Variants in C1orf185 observed in about 807,000 individuals in gnomAD.
C1orf185 encodes the protein chromosome 1 open reading frame 185.
In C1orf185, 13 loss-of-function variants were observed where a neutral mutation model predicts 16.1. The observed-to-expected ratio is 0.81, with a 90% CI of 0.53 to 1.28. The LOEUF is 1.28. Ranked by LOEUF, C1orf185 falls within the 50% of genes most tolerant of loss-of-function variation. C1orf185 has a pLI of 0.00. For synonymous variants in C1orf185, 80 were observed against 76.9 expected (o/e 1.04, Z -0.21); for missense variants, 220 against 225.2 (o/e 0.98, Z 0.15).
At chr1:51,151,797 C>T (rs1211333367), downstream of C1orf185, among the ~76,000 whole-genome samples, 1 of 152,000 alleles carries the variant, frequency 6.6e-6, no homozygotes, top group Non-Finnish European at 1.5e-5. Context: ...TCAAGCAATT[C>T]TCTGCCTCAG....
intron 1 of C1orf185, among the ~76,000 whole-genome samples, chr1:51,106,366 C>T (rs1408748213): frequency 1.3e-5 from 2 of 151,892 alleles, no homozygotes; most frequent in South Asian, 2.1e-4. Context: ...TATCTCTCTC[C>T]CTATCTCTCT....
intron 3 of C1orf185, among the ~76,000 whole-genome samples, chr1:51,140,577 A>T (rs897567982): frequency 7.9e-5 from 12 of 152,088 alleles, no homozygotes; most frequent in African/African-American, 2.9e-4. Flanking sequence ...TTTATTCCCC[A>T]CATGGTTGGT....
intron 3 of C1orf185, among the ~76,000 whole-genome samples, chr1:51,137,406 C>T (rs2148028871): frequency 6.6e-6 from 1 of 152,044 alleles, no homozygotes; most frequent in Non-Finnish European, 1.5e-5. Context: ...TGGTGGTGCA[C>T]ACCTGTAATT....
chr1:51,115,426 A>C (rs545732752), intron 2 of C1orf185, among the ~76,000 whole-genome samples: 1 of 152,184 alleles, frequency 6.6e-6, no homozygotes, highest in South Asian at 2.1e-4. Flanking sequence ...CATTTTATGA[A>C]TATACCTTGG....
At chr1:51,149,268 A>C (rs1342915076), downstream of C1orf185, among the ~76,000 whole-genome samples, 1 of 152,210 alleles carries the variant, frequency 6.6e-6, no homozygotes, top group Non-Finnish European at 1.5e-5. Context: ...CCTTCCTGAG[A>C]GATAAATCAT....
intron 3 of C1orf185, among the ~76,000 whole-genome samples, chr1:51,132,641 G>A (rs1646294065): frequency 6.6e-6 from 1 of 152,110 alleles, no homozygotes; most frequent in African/African-American, 2.4e-5. Context: ...AAGAGATGGG[G>A]AGAATGGAAC....
intron 3 of C1orf185, among the ~76,000 whole-genome samples, chr1:51,130,796 T>C (rs1646277590): frequency 6.6e-6 from 1 of 152,220 alleles, no homozygotes; most frequent in South Asian, 2.1e-4. Flanking sequence ...GTAGTAAATT[T>C]TAATATCAGG....
At chr1:51,142,779 T>C (rs947063164) in intron 3 of C1orf185, among the ~76,000 whole-genome samples, 3 of 152,208 alleles carry the variant, frequency 2.0e-5, no homozygotes, top group African/African-American at 7.2e-5. Flanking sequence ...GTTTTGTTTT[T>C]TGATTTTTAT....
intron 4 of C1orf185, 145 bp downstream of exon 4, chr1:51,145,905 A>G (rs1646395717): frequency 2.5e-6 from 1 of 392,524 alleles, no homozygotes; most frequent in Non-Finnish European, 4.4e-6. Context: ...ATTAGTATGT[A>G]AAAGGGCATA....
intron 1 of C1orf185, among the ~76,000 whole-genome samples, chr1:51,106,990 C>T (rs1488063348): frequency 1.3e-5 from 2 of 152,080 alleles, no homozygotes; most frequent in African/African-American, 2.4e-5. Flanking sequence ...ATCTCCTGAC[C>T]TTGTGATCCG....
chr1:51,143,431 A>G lies in C1orf185; in HGVS notation c.259-2293A>G, dbSNP rs138859827. On this transcript the variant is annotated intron_variant, in intron 3 of 4. Transcript: ENST00000371759. The stretch of plus-strand genomic sequence containing the variant: ...ATTTCTATTTCATTCAGCAGATTAT[A>G]ATCCATTACTACCATTATTTAGATG... 1.4e-4 allele frequency among the ~76,000 whole-genome samples: 21 copies of G among 152,320 alleles called. No individual in the cohort carries two copies. The East Asian group carries it at 4.1e-3, about 29-fold the overall frequency.
intron 4 of C1orf185, among the ~76,000 whole-genome samples, chr1:51,146,573 T>C: frequency 6.6e-6 from 1 of 152,142 alleles, no homozygotes; most frequent in African/African-American, 2.4e-5. Context: ...TGTATAGATA[T>C]TATATTTTCT....
chr1:51,120,844 T>G (rs1017927844), intron 3 of C1orf185, among the ~76,000 whole-genome samples: 1 of 152,202 alleles, frequency 6.6e-6, no homozygotes, highest in African/African-American at 2.4e-5. Context: ...CCAGGCATTG[T>G]ATTAGGTCAC....
chr1:51,150,282 C>A (rs935158599), downstream of C1orf185, among the ~76,000 whole-genome samples: 3 of 151,424 alleles, frequency 2.0e-5, no homozygotes, highest in South Asian at 6.3e-4. Flanking sequence ...ACCTCCGCTT[C>A]CCAGGTTCAA....
At chr1:51,125,109 T>C (rs1646230952) in intron 3 of C1orf185, among the ~76,000 whole-genome samples, 2 of 152,216 alleles carry the variant, frequency 1.3e-5, no homozygotes, top group African/African-American at 4.8e-5. Flanking sequence ...GGTCAAAAGA[T>C]GGGATGCGGT....
intron 3 of C1orf185, among the ~76,000 whole-genome samples, chr1:51,125,922 C>T (rs1236976102): frequency 6.6e-6 from 1 of 152,134 alleles, no homozygotes; most frequent in East Asian, 1.9e-4. Flanking sequence ...CTTTGGGTTG[C>T]TGAGGTGGGT....
At chr1:51,134,571 AAAAAT>A (rs759073158) in intron 3 of C1orf185, among the ~76,000 whole-genome samples, 3 of 152,066 alleles carry the variant, frequency 2.0e-5, no homozygotes, top group Admixed American at 1.3e-4. Context: ...GGTTTTCTGA[AAAAAT>A]AAAATAAAAT....
intron 2 of C1orf185, among the ~76,000 whole-genome samples, chr1:51,112,820 T>TC (rs531720009): frequency 1.4e-3 from 209 of 151,866 alleles, no homozygotes; most frequent in African/African-American, 4.5e-3. Flanking sequence ...TCTTTTCTTT[T>TC]TTTTTTTTTC....
chr1:51,124,243 G>A (rs543849766), intron 3 of C1orf185, among the ~76,000 whole-genome samples: 7 of 152,118 alleles, frequency 4.6e-5, no homozygotes, highest in Middle Eastern at 3.4e-3. Context: ...CACCATGCCC[G>A]GCTAATTTTT....
Sources: gnomAD v4.1 joint callset for allele counts (sites outside exome capture counted in the v4.1 genomes callset) on GRCh38, gnomAD v4.1.1 for gene constraint, MANE v1.5 for transcripts, NCBI Gene and HGNC (gene_info 2026-07-23, HGNC 2026-07-21) for gene names.